The following ARL13B variants were observed in gnomAD, a reference collection of about 807,000 sequenced individuals.
The protein encoded by ARL13B is ADP-ribosylation factor-like protein 13B.
A neutral mutation model predicts 56.1 loss-of-function variants in ARL13B; 36 were observed. That is an observed-to-expected ratio of 0.64 (90% CI 0.49 to 0.85). The LOEUF (loss-of-function observed/expected upper bound fraction) is 0.85, where lower values mean the gene tolerates loss of function less well. Among genes scored for constraint, ARL13B ranks in the 40% least tolerant of loss-of-function variants. The pLI is 0.00. For synonymous variants in ARL13B, 178 were observed against 171.1 expected (o/e 1.04, Z -0.32); for missense variants, 519 against 507.1 (o/e 1.02, Z -0.23).
intron 1 of ARL13B, among the ~76,000 whole-genome samples, chr3:93,981,310 T>C (rs1361559949): frequency 6.6e-6 from 1 of 152,126 alleles, no homozygotes; most frequent in African/African-American, 2.4e-5. Context: ...ACACAAATAA[T>C]GTTGACTTCA....
intron 3 of ARL13B, among the ~76,000 whole-genome samples, chr3:94,010,765 A>T (rs1434726866): frequency 3.9e-5 from 6 of 152,092 alleles, no homozygotes; most frequent in Non-Finnish European, 8.8e-5. Flanking sequence ...GTCTTGCTTT[A>T]AAAGCAGTAT....
chr3:94,025,266 C>CT lies in ARL13B; in HGVS notation c.381-10058dup, dbSNP rs532538038. Reference sequence around the variant, plus strand: ...ATTTACAAGCAAAAAACAAAATATCCTTTTTTTAATATCTGTATACATTAT... The same window carrying CT: ...ATTTACAAGCAAAAAACAAAATATCCTTTTTTTTAATATCTGTATACATTAT... On this transcript the variant is annotated intron_variant, in intron 3 of 9. Transcript: ENST00000394222. Among the ~76,000 whole-genome samples the CT allele has an allele frequency of 2.0e-4, 30 of 151,214 alleles. No homozygotes were observed. The East Asian group carries it at 5.4e-3, about 27-fold the overall frequency.
chr3:94,021,053 A>G (rs772879145), intron 3 of ARL13B, among the ~76,000 whole-genome samples: 4 of 152,082 alleles, frequency 2.6e-5, no homozygotes, highest in Admixed American at 1.3e-4. Flanking sequence ...AAAATGAGCT[A>G]TGAATGATAC....
chr3:93,997,996 G>T (rs1317681677), intron 2 of ARL13B, among the ~76,000 whole-genome samples: 3 of 152,034 alleles, frequency 2.0e-5, no homozygotes, highest in Non-Finnish European at 2.9e-5. Flanking sequence ...AAAAAAAGAA[G>T]ACAATCCGTA....
At chr3:93,993,826 G>A (rs188689648) in intron 1 of ARL13B, among the ~76,000 whole-genome samples, 2 of 152,320 alleles carry the variant, frequency 1.3e-5, no homozygotes, top group African/African-American at 4.8e-5. Flanking sequence ...ATTTCCAGAT[G>A]GATAGAGGTT....
At chr3:93,993,080 C>T (rs1015649286) in intron 1 of ARL13B, among the ~76,000 whole-genome samples, 7 of 151,006 alleles carry the variant, frequency 4.6e-5, no homozygotes, top group Non-Finnish European at 1.0e-4. Context: ...GCTGAGATTA[C>T]AGGAATGAAC....
chr3:93,998,040 T>G (rs1486909538), intron 2 of ARL13B, among the ~76,000 whole-genome samples: 1 of 152,214 alleles, frequency 6.6e-6, no homozygotes, highest in Non-Finnish European at 1.5e-5. Flanking sequence ...CACTGAAAAT[T>G]TATTTCCGGC....
chr3:94,049,702 T>C (rs566140425), intron 8 of ARL13B, among the ~76,000 whole-genome samples, 180 bp downstream of exon 8: 1 of 152,220 alleles, frequency 6.6e-6, no homozygotes, highest in Non-Finnish European at 1.5e-5. Context: ...TCCATTGCTT[T>C]TTTGAATAAA....
chr3:94,046,775 T>A (rs548884873), intron 7 of ARL13B, among the ~76,000 whole-genome samples: 29 of 152,336 alleles, frequency 1.9e-4, no homozygotes, highest in Middle Eastern at 6.8e-3. Flanking sequence ...GTTGCAAACT[T>A]TATTGGTACA....
intron 1 of ARL13B, among the ~76,000 whole-genome samples, chr3:93,994,375 A>T (rs1265237495): frequency 6.6e-6 from 1 of 152,010 alleles, no homozygotes; most frequent in Non-Finnish European, 1.5e-5. Context: ...ACCACCCTAT[A>T]TAAAACTGCC....
chr3:94,054,873 T>A lies in ARL13B; in HGVS notation c.*1610T>A, dbSNP rs1446806287. The A allele has an allele frequency of 3.5e-6, 1 of 286,978 alleles. No homozygotes were observed. The highest frequency in any genetic ancestry group is 6.9e-6 in the Non-Finnish European group (1 of 144,374). The allele number at this position is 286,978 out of a possible 1,614,324, so 17.8% of individuals were successfully genotyped here. Reference sequence around the variant, plus strand: ...GATGAAAAGCAATACGAAAAGACAATGTAAACTTTGAAAAGGATTTTAGAG... The same window carrying A: ...GATGAAAAGCAATACGAAAAGACAAAGTAAACTTTGAAAAGGATTTTAGAG... On this transcript the variant is annotated 3_prime_UTR_variant, in exon 10 of 10. Coordinates refer to ENST00000394222, the MANE Select transcript of ARL13B (RefSeq NM_001174150.2).
chr3:94,018,662 C>G (rs1343560311), intron 3 of ARL13B, among the ~76,000 whole-genome samples: 2 of 152,166 alleles, frequency 1.3e-5, no homozygotes, highest in African/African-American at 4.8e-5. Flanking sequence ...TTGAATGCCT[C>G]TATCCAAAAT....
intron 2 of ARL13B, 85 bp downstream of exon 2, chr3:93,996,029 T>G (rs2107384949): frequency 7.3e-7 from 1 of 1,374,652 alleles, no homozygotes; most frequent in Middle Eastern, 2.0e-4. Flanking sequence ...TATTCCTTAT[T>G]AATTTGGTAC....
intron 1 of ARL13B, among the ~76,000 whole-genome samples, chr3:93,993,160 C>G (rs959613708): frequency 6.6e-6 from 1 of 151,902 alleles, no homozygotes; most frequent in Non-Finnish European, 1.5e-5. Context: ...CAGTCCTGCT[C>G]TGTTGCCCAG....
chr3:93,999,529 G>C (rs142446832), intron 2 of ARL13B, among the ~76,000 whole-genome samples: 2 of 151,860 alleles, frequency 1.3e-5, no homozygotes, highest in African/African-American at 4.8e-5. Flanking sequence ...TAATAATTTC[G>C]TCATGAAAAA....
chr3:93,984,630 G>A (rs1314333358), intron 1 of ARL13B, among the ~76,000 whole-genome samples: 1 of 152,196 alleles, frequency 6.6e-6, no homozygotes, highest in African/African-American at 2.4e-5. Flanking sequence ...GTTCAAACGT[G>A]TGTTGTTCAA....
At chr3:94,019,637 T>G (rs1440181711) in intron 3 of ARL13B, among the ~76,000 whole-genome samples, 1 of 150,488 alleles carries the variant, frequency 6.6e-6, no homozygotes, top group Non-Finnish European at 1.5e-5. Context: ...AGAGTTAAAA[T>G]GTAGGTCAGA....
chr3:94,025,610 G>A (rs2076540438), intron 3 of ARL13B, among the ~76,000 whole-genome samples: 1 of 152,110 alleles, frequency 6.6e-6, no homozygotes, highest in African/African-American at 2.4e-5. Flanking sequence ...GCTTCATTGG[G>A]GAGTTATACA....
intron 7 of ARL13B, among the ~76,000 whole-genome samples, chr3:94,044,417 C>T (rs1184061191): frequency 2.8e-4 from 41 of 146,356 alleles, no homozygotes; most frequent in Non-Finnish European, 4.2e-4. Flanking sequence ...TGCCTCTGCC[C>T]GGCTGCCCTG....
Sources: gnomAD v4.1 joint callset for allele counts (sites outside exome capture counted in the v4.1 genomes callset) on GRCh38, gnomAD v4.1.1 for gene constraint, MANE v1.5 for transcripts, NCBI Gene and HGNC (gene_info 2026-07-23, HGNC 2026-07-21) for gene names.